OTUD7A: variants seen among roughly 807,000 people sequenced by gnomAD.
OTUD7A encodes OTU domain-containing protein 7A.
Under a neutral mutation model 65.7 loss-of-function variants are expected in OTUD7A, and 12 were observed. That is an observed-to-expected ratio of 0.18 (90% CI 0.12 to 0.30). OTUD7A has a LOEUF of 0.30. OTUD7A is among the 10% of genes least tolerant of loss of function. The pLI is 1.00. For missense variants in OTUD7A, 1,148 were observed against 1,304.8 expected, an observed-to-expected ratio of 0.88 and a Z score of 1.85; for synonymous variants, 641 against 586.3, an observed-to-expected ratio of 1.09 and a Z score of -1.35.
chr15:31,666,146 T>TGGTATTAG (rs1202641444), intron 1 of OTUD7A, among the ~76,000 whole-genome samples: 1 of 152,152 alleles, frequency 6.6e-6, no homozygotes, highest in Non-Finnish European at 1.5e-5. Flanking sequence ...TTCCTGGTTT[T>TGGTATTAG]GGTATTAGGG....
intron 4 of OTUD7A, among the ~76,000 whole-genome samples, chr15:31,559,703 C>T (rs1293097878): frequency 1.3e-5 from 2 of 152,154 alleles, no homozygotes; most frequent in African/African-American, 4.8e-5. Flanking sequence ...CGCACATACA[C>T]TACAGACTAT....
chr15:31,740,267 G>A (rs1894304390), intron 1 of OTUD7A, among the ~76,000 whole-genome samples: 2 of 152,200 alleles, frequency 1.3e-5, no homozygotes, highest in Admixed American at 1.3e-4. Context: ...GAGCAGAGGT[G>A]GGGTCGCAGC....
At chr15:31,700,568 T>C (rs1475368713) in intron 1 of OTUD7A, among the ~76,000 whole-genome samples, 1 of 152,262 alleles carries the variant, frequency 6.6e-6, no homozygotes, top group Non-Finnish European at 1.5e-5. Context: ...TATCTCTTTC[T>C]CTGTATCTCT....
chr15:31,643,261 G>A (rs888073148), intron 3 of OTUD7A, among the ~76,000 whole-genome samples: 19 of 152,154 alleles, frequency 1.2e-4, no homozygotes, highest in African/African-American at 3.9e-4. Flanking sequence ...CTGGGATTGC[G>A]GGCATGCACC....
intron 1 of OTUD7A, among the ~76,000 whole-genome samples, chr15:31,786,045 C>T (rs1290368951): frequency 6.6e-6 from 1 of 152,008 alleles, no homozygotes; most frequent in Non-Finnish European, 1.5e-5. Context: ...GAAATCATAG[C>T]TTTATAAGAA....
rs1466818704 is a variant in OTUD7A at position 31,482,940 on chromosome 15, A to G, written c.*354T>C. On this transcript the variant is annotated 3_prime_UTR_variant, in exon 13 of 13. Coordinates refer to ENST00000307050, the MANE Select transcript of OTUD7A (RefSeq NM_001382637.1). Reference sequence around the variant, plus strand: ...GGGTAGGAGAAAAAAAAAAAAGCAAAAAAAGCATGTAAAACACTCCCTTCT... The same window carrying G: ...GGGTAGGAGAAAAAAAAAAAAGCAAGAAAAGCATGTAAAACACTCCCTTCT... The G allele has an allele frequency of 6.5e-6, 1 of 152,764 alleles. No homozygotes were observed. The highest frequency in any genetic ancestry group is 2.4e-5 in the African/African-American group (1 of 41,432). 9.5% of individuals were successfully genotyped at this position (152,764 alleles called of 1,614,324 possible). A position where few individuals can be genotyped will look rare whatever the true frequency, so the allele number is the denominator to read the frequency against.
intron 3 of OTUD7A, among the ~76,000 whole-genome samples, chr15:31,631,291 C>G (rs745773890): frequency 3.3e-4 from 50 of 152,200 alleles, no homozygotes; most frequent in Non-Finnish European, 6.2e-4. Flanking sequence ...CTGGTGGTGA[C>G]AAAATCTCTC....
At chr15:31,563,226 C>T (rs2141163613) in intron 4 of OTUD7A, among the ~76,000 whole-genome samples, 1 of 152,246 alleles carries the variant, frequency 6.6e-6, no homozygotes, top group Admixed American at 6.5e-5. Context: ...GCTGCCAGCT[C>T]AAAAGAGCAG....
chr15:31,756,668 ACACACACACACACACACT>A, intron 1 of OTUD7A, among the ~76,000 whole-genome samples: 1 of 93,778 alleles, frequency 1.1e-5, no homozygotes. Flanking sequence ...ACACACACAC[ACACACACACACACACACT>A]GCTTTTAGTA....
At chr15:31,654,484 A>G (rs1308742938) in intron 3 of OTUD7A, among the ~76,000 whole-genome samples, 1 of 152,190 alleles carries the variant, frequency 6.6e-6, no homozygotes, top group African/African-American at 2.4e-5. Flanking sequence ...ATTTGAAGTA[A>G]AGAGTAAACA....
intron 1 of OTUD7A, among the ~76,000 whole-genome samples, chr15:31,674,886 T>G (rs1046637422): frequency 2.0e-5 from 3 of 152,152 alleles, no homozygotes; most frequent in Admixed American, 6.5e-5. Flanking sequence ...CCAAGAAAAG[T>G]TGGGTGGAGT....
chr15:31,754,696 T>C (rs1292349594), intron 1 of OTUD7A, among the ~76,000 whole-genome samples: 1 of 152,254 alleles, frequency 6.6e-6, no homozygotes, highest in Non-Finnish European at 1.5e-5. Flanking sequence ...GGGTTCTCTA[T>C]TCTGTTCCAT....
intron 3 of OTUD7A, 135 bp from the exon 4 acceptor site, chr15:31,570,332 CA>C: frequency 9.6e-7 from 1 of 1,046,668 alleles, no homozygotes; most frequent in African/African-American, 1.6e-5. Context: ...TCTTGTTTTT[CA>C]AAGGGGAAAA....
intron 1 of OTUD7A, among the ~76,000 whole-genome samples, chr15:31,727,529 T>C (rs1194416058): frequency 3.3e-5 from 5 of 152,244 alleles, no homozygotes; most frequent in Admixed American, 2.0e-4. Context: ...TTGGACTGTA[T>C]TTTGAGACCA....
intron 1 of OTUD7A, among the ~76,000 whole-genome samples, chr15:31,831,682 CAAG>C (rs933671758): frequency 6.6e-6 from 1 of 152,218 alleles, no homozygotes; most frequent in Non-Finnish European, 1.5e-5. Flanking sequence ...AAGCCTTGTA[CAAG>C]AACGTTCACA....
At chr15:31,664,948 G>A (rs1209474650) in intron 1 of OTUD7A, among the ~76,000 whole-genome samples, 1 of 152,122 alleles carries the variant, frequency 6.6e-6, no homozygotes, top group Admixed American at 6.5e-5. Flanking sequence ...TGTTTGCTTT[G>A]TCAAAGATCA....
Position 31,549,542 on chromosome 15 carries a change from A to T in OTUD7A, c.550+9427T>A, listed in dbSNP as rs114504966. Among the ~76,000 whole-genome samples the T allele has an allele frequency of 3.9e-3, 592 of 152,216 alleles. 6 individuals carry two copies. Among genetic ancestry groups the T allele is most frequent in the African/African-American group, 0.014 (562 of 41,526 alleles). ...GATGTAATTACTTTACTATTCACTGACTCTGAGTTGATCAAAAGGGAGATT... is the reference window on the plus strand; with the variant it reads ...GATGTAATTACTTTACTATTCACTGTCTCTGAGTTGATCAAAAGGGAGATT... On this transcript the variant is annotated intron_variant, in intron 5 of 12. Transcript: ENST00000307050.
At chr15:31,494,845 C>T (rs1466118394) in intron 10 of OTUD7A, among the ~76,000 whole-genome samples, 1 of 152,214 alleles carries the variant, frequency 6.6e-6, no homozygotes, top group African/African-American at 2.4e-5. Flanking sequence ...GCCTCCCAGC[C>T]CCTCTCAGAA....
chr15:31,758,562 C>T (rs1374403486), intron 1 of OTUD7A, among the ~76,000 whole-genome samples: 2 of 152,238 alleles, frequency 1.3e-5, no homozygotes, highest in Non-Finnish European at 2.9e-5. Flanking sequence ...CTGCTCGAAC[C>T]AGAGAGCAGA....
Sources: gnomAD v4.1 joint callset for allele counts (sites outside exome capture counted in the v4.1 genomes callset) on GRCh38, gnomAD v4.1.1 for gene constraint, MANE v1.5 for transcripts, NCBI Gene and HGNC (gene_info 2026-07-23, HGNC 2026-07-21) for gene names.